The following MEGF6 variants were observed in gnomAD, a reference collection of about 807,000 sequenced individuals.
MEGF6 encodes the protein multiple epidermal growth factor-like domains protein 6.
In MEGF6, 184 loss-of-function variants were observed where a neutral mutation model predicts 207.1. The ratio of observed to expected loss-of-function variants is 0.89; its 90% CI spans 0.79 to 1.00. The LOEUF (loss-of-function observed/expected upper bound fraction) is 1.00. MEGF6 is among the 50% of genes least tolerant of loss of function. The pLI is 0.00. For missense variants in MEGF6, 2,282 were observed against 2,202.9 expected (o/e 1.04, Z -0.72); for synonymous variants, 1,038 against 910.0 (o/e 1.14, Z -2.53).
At chr1:3,498,904 A>G in intron 24 of MEGF6, 78 bp from the exon 25 acceptor site, 1 of 1,517,606 alleles carries the variant, frequency 6.6e-7, no homozygotes, top group Non-Finnish European at 8.9e-7. Context: ...TTCCAGCCCC[A>G]TGTTGGACTT....
Position 3,495,997 on chromosome 1 carries a change from C to T in MEGF6, c.3764G>A (p.Gly1255Asp). Residue 1255 changes from glycine (G) to aspartate (D), a missense_variant, in exon 30 of 37, where the codon GGC becomes GAC. Gly to Asp is a moderately conservative substitution (Grantham distance 94, BLOSUM62 -1). Transcript: ENST00000356575. The stretch of plus-strand genomic sequence containing the variant: ...CCCACACACGTGGGTGCAGTTGGGG[C>T]CGAAGCGGCCCTGCGGACAGGCTGC... ...CNLTCPQGRF[G>D]PNCTHVCGCG... 1 of 1,542,702 alleles carries T rather than the reference C, an allele frequency of 6.5e-7. No individual in the cohort carries two copies. The highest frequency in any genetic ancestry group is 8.7e-7 in the Non-Finnish European group (1 of 1,151,646).
Position 3,512,670 on chromosome 1 carries a change from C to T in MEGF6, c.854-542G>A, listed in dbSNP as rs182629893. On this transcript the variant is annotated intron_variant, in intron 7 of 36. Transcript: ENST00000356575. ...CCCTCTCTTTTCCTACCGCTATCGA[C>T]GTGAGGTGTGACTTGCTCCTCCTGG... is the stretch of plus-strand genomic sequence containing the variant. Among the ~76,000 whole-genome samples, 715 of 152,332 alleles carry T rather than the reference C, an allele frequency of 4.7e-3. 3 individuals carry two copies. The highest frequency in any genetic ancestry group is 0.016 in the African/African-American group (661 of 41,562).
intron 4 of MEGF6, among the ~76,000 whole-genome samples, chr1:3,571,809 G>A (rs1349917895): frequency 2.2e-5 from 3 of 135,372 alleles, no homozygotes; most frequent in Non-Finnish European, 4.8e-5. Flanking sequence ...GTCCTCCTGG[G>A]TGTGCTGGGT....
At chr1:3,558,891 T>C (rs1022069818) in intron 4 of MEGF6, among the ~76,000 whole-genome samples, 2 of 151,952 alleles carry the variant, frequency 1.3e-5, no homozygotes, top group Non-Finnish European at 2.9e-5. Context: ...TGGTTGGGCA[T>C]AATGGGGTGC....
chr1:3,557,087 C>T (rs916496409), intron 4 of MEGF6, among the ~76,000 whole-genome samples: 4 of 151,984 alleles, frequency 2.6e-5, no homozygotes, highest in Non-Finnish European at 5.9e-5. Context: ...CTTGGAAGGA[C>T]GAGGAAGGAG....
intron 21 of MEGF6, 55 bp downstream of exon 21, chr1:3,500,578 T>C (rs1392066818): frequency 6.6e-7 from 1 of 1,512,502 alleles, no homozygotes; most frequent in Non-Finnish European, 8.9e-7. Context: ...CGTGTGCATA[T>C]GTGTGCGTGT....
At chr1:3,542,854 T>C (rs1642574628) in intron 4 of MEGF6, among the ~76,000 whole-genome samples, 1 of 152,104 alleles carries the variant, frequency 6.6e-6, no homozygotes, top group Non-Finnish European at 1.5e-5. Context: ...CTGGAAGGCC[T>C]GGGCCATCCT....
At chr1:3,518,928 C>T (rs2101124511) in intron 5 of MEGF6, among the ~76,000 whole-genome samples, 1 of 152,316 alleles carries the variant, frequency 6.6e-6, no homozygotes, top group East Asian at 1.9e-4. Context: ...ATGGGGCCTC[C>T]TTGTTGCACA....
chr1:3,536,857 A>G (rs1447765292), intron 4 of MEGF6, among the ~76,000 whole-genome samples: 3 of 152,208 alleles, frequency 2.0e-5, no homozygotes, highest in Non-Finnish European at 4.4e-5. Flanking sequence ...AGGCAAAACC[A>G]GAGCCTGGAA....
chr1:3,521,719 G>T (rs563021202), intron 5 of MEGF6, among the ~76,000 whole-genome samples: 1 of 152,040 alleles, frequency 6.6e-6, no homozygotes, highest in Non-Finnish European at 1.5e-5. Context: ...GGAAACTCCC[G>T]GGAGACCGAG....
chr1:3,496,840 T>C (rs1267965906), intron 28 of MEGF6, 57 bp from the exon 29 acceptor site: 6 of 1,536,188 alleles, frequency 3.9e-6, no homozygotes, highest in Non-Finnish European at 5.3e-6. Flanking sequence ...CCAGTGCCCC[T>C]GAACACAGCA....
intron 4 of MEGF6, among the ~76,000 whole-genome samples, chr1:3,561,143 T>G (rs1570140007): frequency 6.6e-6 from 1 of 151,766 alleles, no homozygotes; most frequent in Non-Finnish European, 1.5e-5. Context: ...GCAGGTCGGG[T>G]GGAGGCTGCA....
intron 5 of MEGF6, among the ~76,000 whole-genome samples, chr1:3,519,507 C>T (rs776001989): frequency 4.6e-5 from 7 of 152,274 alleles, no homozygotes; most frequent in Admixed American, 6.5e-5. Context: ...CTCCGACCTG[C>T]CCTCCTGGGG....
chr1:3,556,716 C>T lies in MEGF6; in HGVS notation c.481+23109G>A, dbSNP rs1202126240. Among the ~76,000 whole-genome samples, 3 of 152,168 alleles carry T rather than the reference C, an allele frequency of 2.0e-5. No homozygotes were observed. Among genetic ancestry groups the T allele is most frequent in the South Asian group, 4.1e-4 (2 of 4,822 alleles). On this transcript the variant is annotated intron_variant, in intron 4 of 36. Coordinates refer to ENST00000356575, the MANE Select transcript of MEGF6 (RefSeq NM_001409.4). This position sits in a 1 kb window ranked among gnomAD's most constrained non-coding sequence, Gnocchi z 4.4. ...GACAAGGGGTGGCACGTACGTTATC[C>T]TTCAAAACAGGACACTGGAGAGCAG...
At chr1:3,502,030 T>G in intron 17 of MEGF6, 109 bp from the exon 18 acceptor site, 1 of 1,482,050 alleles carries the variant, frequency 6.7e-7, no homozygotes, top group African/African-American at 1.4e-5. Context: ...TCACATGGGC[T>G]CCTGGCGAGT....
chr1:3,588,803 C>A (rs1643934214), intron 3 of MEGF6, among the ~76,000 whole-genome samples: 1 of 152,044 alleles, frequency 6.6e-6, no homozygotes, highest in Non-Finnish European at 1.5e-5. Context: ...CCTCCTGACC[C>A]CCTGAACTGA....
At position 3,524,204 on chromosome 1, in the gene MEGF6, CGGT is replaced by C. The variant is rs748425243; in HGVS notation, c.521_523del (p.His174del). 2.5e-6 allele frequency: 4 copies of C among 1,612,720 alleles called. No homozygotes were observed. The Admixed American group carries it at 6.7e-5, about 27-fold the overall frequency. ...GTAGGAGCCTGGGGTGTTCACGCAC[CGGT>C]GCTGGCAGCCACCGTTGTGGGTTCG... On this transcript the variant is annotated inframe_deletion, in exon 5 of 37. Transcript: ENST00000356575.
intron 7 of MEGF6, 52 bp downstream of exon 7, chr1:3,514,498 T>C: frequency 6.5e-7 from 1 of 1,541,180 alleles, no homozygotes; most frequent in Non-Finnish European, 8.7e-7. Flanking sequence ...CCACAGCACC[T>C]GGGTGCGCTT....
chr1:3,514,369 C>T (rs1641461476), intron 7 of MEGF6, among the ~76,000 whole-genome samples, 181 bp downstream of exon 7: 2 of 152,238 alleles, frequency 1.3e-5, no homozygotes, highest in South Asian at 4.1e-4. Context: ...TTCCTACCCT[C>T]GCCCCTCAGC....
Sources: allele counts gnomAD v4.1 joint callset (sites outside exome capture counted in the v4.1 genomes callset), GRCh38; gene constraint gnomAD v4.1.1; non-coding constraint Gnocchi (gnomAD v3.1); transcripts MANE v1.5; gene names NCBI Gene and HGNC (gene_info 2026-07-23, HGNC 2026-07-21).